Variants in YBX3 observed in about 807,000 individuals in gnomAD.
The protein encoded by YBX3 is Y-box-binding protein 3.
YBX3 carries 29 observed loss-of-function variants against 42.4 expected under a neutral mutation model. The observed-to-expected ratio is 0.68, with a 90% confidence interval of 0.51 to 0.93. The LOEUF (loss-of-function observed/expected upper bound fraction) is 0.93. YBX3 is among the 40% of genes least tolerant of loss of function. The pLI is 0.00. For synonymous variants in YBX3, 195 were observed against 189.8 expected (o/e 1.03, Z -0.22); for missense variants, 517 against 527.5 (o/e 0.98, Z 0.19).
At chr12:10,706,730 CA>C (rs1199111674) in intron 6 of YBX3, among the ~76,000 whole-genome samples, 3 of 152,032 alleles carry the variant, frequency 2.0e-5, no homozygotes, top group Non-Finnish European at 2.9e-5. Context: ...TTTATAACTC[CA>C]AATCAGCCAG....
Position 10,701,181 on chromosome 12 carries a change from T to C in YBX3, c.*34+73A>G, listed in dbSNP as rs1948073876. ...ACTGCAGAACTAGTTTAGACTAATT[T>C]GTACTCTTGTTGAGAAACCAGTGAT... On this transcript the variant is annotated intron_variant, in intron 9 of 9. Coordinates refer to ENST00000228251, the MANE Select transcript of YBX3 (RefSeq NM_003651.5). 15 of 732,188 alleles carry C rather than the reference T, an allele frequency of 2.0e-5. No homozygotes were observed. In the East Asian group the frequency reaches 2.9e-4, roughly 14 times the overall value. The allele number at this position is 732,188 out of a possible 1,614,324, so 45.4% of individuals were successfully genotyped here.
At chr12:10,702,295 C>T (rs371992319) in intron 7 of YBX3, 161 bp from the exon 8 acceptor site, 37 of 553,870 alleles carry the variant, frequency 6.7e-5, no homozygotes, top group African/African-American at 3.5e-4. Flanking sequence ...CTGAGGCAGG[C>T]GGATCACTTG....
chr12:10,719,725 C>T (rs1188584934), intron 1 of YBX3, among the ~76,000 whole-genome samples: 1 of 152,202 alleles, frequency 6.6e-6, no homozygotes, highest in Non-Finnish European at 1.5e-5. Flanking sequence ...CACTCTGAGA[C>T]GTGATATAAC....
intron 6 of YBX3, 23 bp downstream of exon 6, chr12:10,709,885 A>T: frequency 6.2e-7 from 1 of 1,613,006 alleles, no homozygotes; most frequent in Non-Finnish European, 8.5e-7. Flanking sequence ...ATTGCTGAAG[A>T]GAAGTCTCAG....
intron 7 of YBX3, chr12:10,703,709 C>G (rs1381860637): frequency 3.2e-6 from 1 of 315,462 alleles, no homozygotes; most frequent in Non-Finnish European, 6.2e-6. Context: ...CAGTCACTAT[C>G]CCAAATATCC....
At chr12:10,721,320 T>G (rs1052113153) in intron 1 of YBX3, among the ~76,000 whole-genome samples, 1 of 152,246 alleles carries the variant, frequency 6.6e-6, no homozygotes, top group African/African-American at 2.4e-5. Flanking sequence ...ATCTGTTTCC[T>G]TCATCTTTAA....
Position 10,722,881 on chromosome 12 carries a change from G to C in YBX3, c.231C>G (p.Ala77=), listed in dbSNP as rs1414238610. 4.0e-6 allele frequency: 6 copies of C among 1,482,930 alleles called. No homozygotes were observed. Among genetic ancestry groups the C allele is most frequent in the Non-Finnish European group, 5.4e-6 (6 of 1,116,576 alleles). The allele number at this position is 1,482,930 out of a possible 1,614,324, so 91.9% of individuals were successfully genotyped here. A position where few individuals can be genotyped will look rare whatever the true frequency, so the allele number is the denominator to read the frequency against. The part of the protein sequence containing the change: ...TAAAASLATA[A]GSEDAEKKVL... ...CTTTTTTCTCCGCGTCTTCGCTGCC[G>C]GCGGCGGTGGCTAAAGAGGCGGCGG... The change falls in exon 1 of 10, where the codon GCC becomes GCG. Residue 77 remains alanine, a synonymous_variant. Coordinates refer to ENST00000228251, the MANE Select transcript of YBX3 (RefSeq NM_003651.5).
intron 4 of YBX3, 110 bp downstream of exon 4, chr12:10,715,584 T>C (rs1948251528): frequency 6.0e-6 from 6 of 1,006,728 alleles, no homozygotes; most frequent in Non-Finnish European, 9.2e-6. Flanking sequence ...CTTCCTGCTA[T>C]TGTACAAAAA....
intron 6 of YBX3, among the ~76,000 whole-genome samples, chr12:10,705,690 G>A (rs1020796106): frequency 6.6e-6 from 1 of 152,202 alleles, no homozygotes; most frequent in Admixed American, 6.5e-5. Flanking sequence ...TTGTGAGGAA[G>A]TACTTACAAA....
intron 3 of YBX3, among the ~76,000 whole-genome samples, chr12:10,716,784 G>A (rs933770506): frequency 6.6e-6 from 1 of 152,140 alleles, no homozygotes. Flanking sequence ...AGGCAGTTCA[G>A]GACAGGCACG....
chr12:10,714,706 C>T (rs182289339), intron 4 of YBX3, among the ~76,000 whole-genome samples: 35 of 151,874 alleles, frequency 2.3e-4, no homozygotes, highest in African/African-American at 8.2e-4. Flanking sequence ...TACAAGTCAG[C>T]CTGAAAACTT....
chr12:10,709,294 A>C (rs370578203), intron 6 of YBX3, among the ~76,000 whole-genome samples: 1 of 152,230 alleles, frequency 6.6e-6, no homozygotes, highest in African/African-American at 2.4e-5. Flanking sequence ...AGGTTTATTA[A>C]GCACAAAACA....
rs75798096 is a variant in YBX3 at position 10,707,738 on chromosome 12, C to T, written c.780+2170G>A. ...GTGGTCTACCAGCATGTCTGACCTCCCCTGAGATCTCACCTCATACCCTCT... is the reference window on the plus strand; with the variant it reads ...GTGGTCTACCAGCATGTCTGACCTCTCCTGAGATCTCACCTCATACCCTCT... On this transcript the variant is annotated intron_variant, in intron 6 of 9. Coordinates refer to ENST00000228251, the MANE Select transcript of YBX3 (RefSeq NM_003651.5). Among the ~76,000 whole-genome samples the T allele has an allele frequency of 2.2e-3, 338 of 152,276 alleles. 3 individuals are homozygous for T. Among genetic ancestry groups the T allele is most frequent in the African/African-American group, 7.5e-3 (311 of 41,538 alleles).
intron 5 of YBX3, chr12:10,712,750 A>T (rs1381584756): frequency 6.6e-6 from 1 of 152,488 alleles, no homozygotes; most frequent in African/African-American, 2.4e-5. Flanking sequence ...AATGAAGAGA[A>T]ACCTTGTTAA....
At chr12:10,715,630 A>T in intron 4 of YBX3, 64 bp downstream of exon 4, 1 of 1,382,882 alleles carries the variant, frequency 7.2e-7, no homozygotes. Flanking sequence ...GGGCTGATAG[A>T]TAATTTATTG....
chr12:10,720,150 AGAAT>A (rs1418918843), intron 1 of YBX3, among the ~76,000 whole-genome samples: 2 of 152,250 alleles, frequency 1.3e-5, no homozygotes, highest in Non-Finnish European at 2.9e-5. Flanking sequence ...GCCTCAGTAG[AGAAT>A]GAAAGTAATT....
At chr12:10,704,009 C>T (rs1207284908) in intron 7 of YBX3, 42 bp downstream of exon 7, 1 of 1,577,556 alleles carries the variant, frequency 6.3e-7, no homozygotes, top group Admixed American at 1.7e-5. Flanking sequence ...CCATTGTGCA[C>T]ACAAGTCCTT....
intron 5 of YBX3, 153 bp from the exon 6 acceptor site, chr12:10,710,267 C>A: frequency 6.6e-7 from 1 of 1,511,518 alleles, no homozygotes; most frequent in Non-Finnish European, 8.8e-7. Flanking sequence ...CCCAGATTAT[C>A]ATGTGATTGC....
At chr12:10,714,723 G>C (rs1175857396) in intron 4 of YBX3, among the ~76,000 whole-genome samples, 1 of 151,314 alleles carries the variant, frequency 6.6e-6, no homozygotes, top group African/African-American at 2.4e-5. Flanking sequence ...ACTTTACTTT[G>C]ATAAAAGAAA....
Sources: gnomAD v4.1 joint callset for allele counts (sites outside exome capture counted in the v4.1 genomes callset) on GRCh38, gnomAD v4.1.1 for gene constraint, MANE v1.5 for transcripts, NCBI Gene and HGNC (gene_info 2026-07-23, HGNC 2026-07-21) for gene names.